GRXCR2: variants seen among roughly 807,000 people sequenced by gnomAD.
GRXCR2 encodes the protein glutaredoxin domain-containing cysteine-rich protein 2.
Under a neutral mutation model 24.8 loss-of-function variants are expected in GRXCR2, and 23 were observed. That is an observed-to-expected ratio of 0.93 (90% confidence interval 0.67 to 1.32). The LOEUF (loss-of-function observed/expected upper bound fraction) is 1.32, where lower values mean the gene tolerates loss of function less well. GRXCR2 is among the 40% of genes most tolerant of loss of function. The pLI is 0.00. For synonymous variants in GRXCR2, 130 were observed against 116.1 expected (o/e 1.12, Z -0.77); for missense variants, 315 against 303.4 (o/e 1.04, Z -0.28).
intron 2 of GRXCR2, among the ~76,000 whole-genome samples, chr5:145,895,665 A>C (rs1306421008): frequency 6.6e-6 from 1 of 152,240 alleles, no homozygotes; most frequent in Non-Finnish European, 1.5e-5. Flanking sequence ...TTCCCTGCTC[A>C]TGGGTAGGAA....
intron 2 of GRXCR2, among the ~76,000 whole-genome samples, chr5:145,887,835 A>G (rs1756798784): frequency 6.6e-6 from 1 of 152,204 alleles, no homozygotes; most frequent in Admixed American, 6.5e-5. Flanking sequence ...TGTTTCAGAA[A>G]GCGTTTGTAG....
At chr5:145,865,364 C>T (rs1032291539) in intron 2 of GRXCR2, among the ~76,000 whole-genome samples, 4 of 152,188 alleles carry the variant, frequency 2.6e-5, no homozygotes, top group African/African-American at 7.2e-5. Context: ...TATCAGCCCT[C>T]CTCCCCCTGG....
intron 2 of GRXCR2, among the ~76,000 whole-genome samples, chr5:145,891,408 A>T (rs1269923267): frequency 6.6e-6 from 1 of 152,174 alleles, no homozygotes; most frequent in Non-Finnish European, 1.5e-5. Context: ...GACAGACAGC[A>T]CCTGGAAAAT....
At position 145,907,091 on chromosome 5, in the gene GRXCR2, G is replaced by C. The variant is rs180962447; in HGVS notation, c.-70+28610C>G. Reference sequence around the variant, plus strand: ...GGGGTGGCTAAGGCATAGAGGACAGGGGGTAGGTCAGATGAGATTAGAGTG... The same window carrying C: ...GGGGTGGCTAAGGCATAGAGGACAGCGGGTAGGTCAGATGAGATTAGAGTG... On this transcript the variant is annotated intron_variant, in intron 2 of 3. Transcript: ENST00000639411. Among the ~76,000 whole-genome samples, 112 of 152,290 alleles carry C rather than the reference G, an allele frequency of 7.4e-4. 1 individual carries two copies. The highest frequency in any genetic ancestry group is 2.7e-3 in the African/African-American group (111 of 41,562).
chr5:145,892,839 C>T (rs934427686), intron 2 of GRXCR2, among the ~76,000 whole-genome samples: 2 of 152,072 alleles, frequency 1.3e-5, no homozygotes, highest in Admixed American at 6.6e-5. Context: ...GTCAGATTCA[C>T]CGAAGTTAAA....
rs59158357 is a variant in GRXCR2 at position 145,885,097 on chromosome 5, C to CTGTGTG, written c.-69-18375_-69-18370dup. Among the ~76,000 whole-genome samples the CTGTGTG allele has an allele frequency of 1.0e-2, 1,473 of 147,760 alleles. 23 individuals carry two copies. The highest frequency in any genetic ancestry group is 0.034 in the African/African-American group (1,365 of 40,018). ...ATTATCATGCAGCATGTGTGTGTGT[C>CTGTGTG]TGTGTGTGTGTGTGTGTGTGTGTGT... On this transcript the variant is annotated intron_variant, in intron 2 of 3. Transcript: ENST00000639411.
chr5:145,914,454 T>C (rs1757207759), intron 2 of GRXCR2, among the ~76,000 whole-genome samples: 1 of 151,858 alleles, frequency 6.6e-6, no homozygotes. Context: ...GGCAGGTGGA[T>C]CACCTGAGGT....
At chr5:145,890,043 T>G (rs1353653107) in intron 2 of GRXCR2, among the ~76,000 whole-genome samples, 5 of 152,220 alleles carry the variant, frequency 3.3e-5, no homozygotes, top group Non-Finnish European at 7.3e-5. Context: ...GACCAGACTT[T>G]TGAACTAAAC....
chr5:145,872,556 G>A (rs1756548950), intron 1 of GRXCR2, 77 bp downstream of exon 1: 1 of 1,270,896 alleles, frequency 7.9e-7, no homozygotes, highest in Non-Finnish European at 1.1e-6. Flanking sequence ...ACACAAATCT[G>A]AACCATTTAG....
chr5:145,904,254 C>T (rs973733889), intron 2 of GRXCR2, among the ~76,000 whole-genome samples: 2 of 152,298 alleles, frequency 1.3e-5, no homozygotes, highest in South Asian at 4.2e-4. Flanking sequence ...TCACACCCCA[C>T]CTCCACCCTC....
chr5:145,897,851 C>T (rs1581346887), intron 2 of GRXCR2, among the ~76,000 whole-genome samples: 1 of 151,944 alleles, frequency 6.6e-6, no homozygotes, highest in South Asian at 2.1e-4. Context: ...GCACTAAATG[C>T]CTACTCAAAA....
chr5:145,873,590 C>T (rs1397161730), upstream of GRXCR2, among the ~76,000 whole-genome samples: 3 of 152,124 alleles, frequency 2.0e-5, no homozygotes, highest in Non-Finnish European at 4.4e-5. Context: ...CCAAGATCAG[C>T]CCACACAACC....
At chr5:145,922,534 G>C (rs908767082) in intron 2 of GRXCR2, among the ~76,000 whole-genome samples, 1 of 152,196 alleles carries the variant, frequency 6.6e-6, no homozygotes, top group Non-Finnish European at 1.5e-5. Context: ...TTAGCACAAT[G>C]CCAGGCACAT....
intron 2 of GRXCR2, among the ~76,000 whole-genome samples, chr5:145,904,239 C>T (rs1757061656): frequency 6.6e-6 from 1 of 152,176 alleles, no homozygotes; most frequent in Admixed American, 6.5e-5. Flanking sequence ...CACACACGTA[C>T]ATCCTCACAC....
intron 2 of GRXCR2, among the ~76,000 whole-genome samples, chr5:145,896,817 A>T (rs1431087965): frequency 2.6e-5 from 4 of 152,126 alleles, no homozygotes; most frequent in Admixed American, 6.6e-5. Context: ...TCATGCTGCT[A>T]TAAAGACACA....
At chr5:145,922,566 T>C (rs1757337310) in intron 2 of GRXCR2, among the ~76,000 whole-genome samples, 1 of 152,194 alleles carries the variant, frequency 6.6e-6, no homozygotes, top group African/African-American at 2.4e-5. Context: ...ACAACATCGT[T>C]GTTGAATGAA....
At position 145,885,119 on chromosome 5, in the gene GRXCR2, G is replaced by GTC. The variant is rs1554105089; in HGVS notation, c.-69-18392_-69-18391insGA. On this transcript the variant is annotated intron_variant, in intron 2 of 3. Transcript: ENST00000639411. ...TGTCTGTGTGTGTGTGTGTGTGTGT[G>GTC]TGTCTGTCTGTCTGTCTGTCTGTGT... Among the ~76,000 whole-genome samples, 199 of 151,690 alleles carry GTC rather than the reference G, an allele frequency of 1.3e-3. 1 individual carries two copies. The highest frequency in any genetic ancestry group is 9.4e-3 in the South Asian group (45 of 4,790).
chr5:145,922,287 C>A (rs1581356859), intron 2 of GRXCR2, among the ~76,000 whole-genome samples: 1 of 152,218 alleles, frequency 6.6e-6, no homozygotes, highest in East Asian at 1.9e-4. Flanking sequence ...GGAATATCCC[C>A]TCCCTTTCTT....
At chr5:145,868,867 T>A (rs1267789185) in intron 1 of GRXCR2, among the ~76,000 whole-genome samples, 3 of 152,258 alleles carry the variant, frequency 2.0e-5, no homozygotes, top group African/African-American at 7.2e-5. Context: ...TTCTTCCTTG[T>A]GTCTAAGGAA....
Sources: allele counts gnomAD v4.1 joint callset (sites outside exome capture counted in the v4.1 genomes callset), GRCh38; gene constraint gnomAD v4.1.1; transcripts MANE v1.5; gene names NCBI Gene and HGNC (gene_info 2026-07-23, HGNC 2026-07-21).